Variants in KCNK10 observed in about 807,000 individuals in gnomAD.
KCNK10 encodes potassium two pore domain channel subfamily K member 10, also known as potassium channel subfamily K member 10.
KCNK10 carries 25 observed loss-of-function variants against 47.7 expected under a neutral mutation model. The observed-to-expected ratio is 0.52, with a 90% confidence interval of 0.38 to 0.73. The LOEUF is 0.73. Ranked by LOEUF, KCNK10 falls within the 30% of genes least tolerant of loss-of-function variation. KCNK10 has a pLI of 0.00. For synonymous variants in KCNK10, 303 were observed against 285.6 expected (o/e 1.06, Z -0.61); for missense variants, 563 against 714.5 (o/e 0.79, Z 2.42).
rs1277100479 is a variant in KCNK10 at position 88,184,228 on chromosome 14, T to C, written c.*1307A>G. 1 of 152,312 alleles carries C rather than the reference T, an allele frequency of 6.6e-6. No homozygotes were observed. The highest frequency in any genetic ancestry group is 1.9e-4 in the East Asian group (1 of 5,334). The allele number at this position is 152,312 out of a possible 1,614,324, so 9.4% of individuals were successfully genotyped here. A position where few individuals can be genotyped will look rare whatever the true frequency, so the allele number is the denominator to read the frequency against. On this transcript the variant is annotated 3_prime_UTR_variant, in exon 7 of 7. Coordinates refer to ENST00000319231, the MANE Select transcript of KCNK10 (RefSeq NM_138317.3). Reference sequence around the variant, plus strand: ...TAGCTTATCGTTTGCCTGGGAACAATCAGTCTAGGGTGTTCCAGTTTTAGT... The same window carrying C: ...TAGCTTATCGTTTGCCTGGGAACAACCAGTCTAGGGTGTTCCAGTTTTAGT...
chr14:88,324,508 T>TTTG (rs1888622606), upstream of KCNK10, among the ~76,000 whole-genome samples: 1 of 152,208 alleles, frequency 6.6e-6, no homozygotes, highest in Admixed American at 6.5e-5. Flanking sequence ...GTTACTAAAA[T>TTTG]TTGTTGTTCA....
intron 1 of KCNK10, among the ~76,000 whole-genome samples, chr14:88,274,916 T>C (rs1001726133): frequency 6.7e-6 from 1 of 149,500 alleles, no homozygotes; most frequent in African/African-American, 2.6e-5. Flanking sequence ...GTGAGGCCAC[T>C]TGGTGTAGCT....
At chr14:88,242,996 G>A (rs1886525481) in intron 2 of KCNK10, among the ~76,000 whole-genome samples, 1 of 152,132 alleles carries the variant, frequency 6.6e-6, no homozygotes, top group Non-Finnish European at 1.5e-5. Context: ...GCACACAAAT[G>A]TCATAAGCAA....
chr14:88,225,512 C>A lies in KCNK10; in HGVS notation c.681+1863G>T, dbSNP rs1885955337. ...TATACTCTATTTGTAGTCGGAAATT[C>A]ATTAGGGGAGACTAAGTCCCTAAAT... On this transcript the variant is annotated intron_variant, in intron 4 of 6. Transcript: ENST00000319231. Among the ~76,000 whole-genome samples the A allele has an allele frequency of 2.6e-5, 4 of 152,188 alleles. No individual in the cohort carries two copies. The South Asian group carries it at 6.2e-4, about 24-fold the overall frequency.
intron 1 of KCNK10, among the ~76,000 whole-genome samples, chr14:88,312,727 T>C (rs1041753349): frequency 6.6e-6 from 1 of 152,196 alleles, no homozygotes; most frequent in Non-Finnish European, 1.5e-5. Context: ...GTCTTTTTTT[T>C]AAATTAATGT....
At chr14:88,224,319 A>G (rs904771745) in intron 4 of KCNK10, among the ~76,000 whole-genome samples, 1 of 152,216 alleles carries the variant, frequency 6.6e-6, no homozygotes, top group African/African-American at 2.4e-5. Context: ...CTAAAGCTAT[A>G]TTCTCTGATC....
intron 1 of KCNK10, among the ~76,000 whole-genome samples, chr14:88,264,661 A>G (rs1162238683): frequency 6.6e-6 from 1 of 152,176 alleles, no homozygotes; most frequent in African/African-American, 2.4e-5. Flanking sequence ...CCTCGGAATC[A>G]GTTTCTGTCT....
In KCNK10 at chr14:88,278,354, T is replaced by G. The variant is rs1887573328; in HGVS notation, c.53-14803A>C. Among the ~76,000 whole-genome samples, 3 of 152,164 alleles carry G rather than the reference T, an allele frequency of 2.0e-5. No homozygotes were observed. In the South Asian group the frequency reaches 6.2e-4, roughly 32 times the overall value. On this transcript the variant is annotated intron_variant, in intron 1 of 6. Coordinates refer to ENST00000319231, the MANE Select transcript of KCNK10 (RefSeq NM_138317.3). ...AGAATCAAATCTATTACCAAAGCAG[T>G]CTCTATGTGATGGGTTAGTCACAAT... is the stretch of plus-strand genomic sequence containing the variant.
intron 4 of KCNK10, among the ~76,000 whole-genome samples, chr14:88,209,977 G>A (rs1365082948): frequency 8.5e-5 from 13 of 152,170 alleles, no homozygotes; most frequent in Admixed American, 8.5e-4. Flanking sequence ...GCAAGACAAG[G>A]CAGGTGCTTG....
chr14:88,240,770 G>A lies in KCNK10; in HGVS notation c.453C>T (p.Ser151=), dbSNP rs1300779608. 2 of 1,613,674 alleles carry A rather than the reference G, an allele frequency of 1.2e-6. No individual in the cohort carries two copies. The highest frequency in any genetic ancestry group is 1.7e-5 in the Admixed American group (1 of 59,986). The change falls in exon 3 of 7, where the codon TCC becomes TCT. Residue 151 remains serine (S), a synonymous_variant. Coordinates refer to ENST00000319231, the MANE Select transcript of KCNK10 (RefSeq NM_138317.3). Reference sequence around the variant, plus strand: ...CGAGGTCCCAGTGGCTGCTGTTGTTGGAAGAGTTTCCTATTGGACTGACTC... The same window carrying A: ...CGAGGTCCCAGTGGCTGCTGTTGTTAGAAGAGTTTCCTATTGGACTGACTC... ...NAGVSPIGNS[S]NNSSHWDLGS...
intron 1 of KCNK10, among the ~76,000 whole-genome samples, chr14:88,311,198 C>T (rs895337847): frequency 6.6e-6 from 1 of 152,162 alleles, no homozygotes; most frequent in East Asian, 1.9e-4. Context: ...CAGCACTATG[C>T]CTGTCACACA....
intron 5 of KCNK10, among the ~76,000 whole-genome samples, chr14:88,188,913 C>G (rs1334037397): frequency 6.6e-6 from 1 of 152,150 alleles, no homozygotes; most frequent in Non-Finnish European, 1.5e-5. Context: ...CTGGAGGCAG[C>G]CATGCAAAAC....
chr14:88,278,212 T>C (rs1245603784), intron 1 of KCNK10, among the ~76,000 whole-genome samples: 1 of 152,110 alleles, frequency 6.6e-6, no homozygotes, highest in Non-Finnish European at 1.5e-5. Flanking sequence ...GACCCTTACA[T>C]GGATCATATA....
chr14:88,301,361 C>G (rs984637563), intron 1 of KCNK10, among the ~76,000 whole-genome samples: 8 of 152,064 alleles, frequency 5.3e-5, no homozygotes, highest in African/African-American at 1.9e-4. Context: ...CTCTCTCCTC[C>G]CTTGACTTCA....
At chr14:88,315,523 T>C (rs1159916876) in intron 1 of KCNK10, among the ~76,000 whole-genome samples, 1 of 152,198 alleles carries the variant, frequency 6.6e-6, no homozygotes, top group East Asian at 1.9e-4. Flanking sequence ...TCATATCACA[T>C]TAAATTTAGT....
At chr14:88,318,055 G>T (rs531847530) in intron 1 of KCNK10, among the ~76,000 whole-genome samples, 99 of 152,274 alleles carry the variant, frequency 6.5e-4, no homozygotes, top group African/African-American at 2.4e-3. Context: ...TCTTACTTCG[G>T]GTCAAAGACG....
intron 1 of KCNK10, among the ~76,000 whole-genome samples, chr14:88,319,491 C>A (rs1888499662): frequency 6.6e-6 from 1 of 152,140 alleles, no homozygotes; most frequent in Non-Finnish European, 1.5e-5. Context: ...TAATCCAGAA[C>A]CTCCAAAACA....
At chr14:88,321,937 G>C (rs1888555192) in intron 1 of KCNK10, among the ~76,000 whole-genome samples, 2 of 152,172 alleles carry the variant, frequency 1.3e-5, no homozygotes, top group African/African-American at 4.8e-5. Flanking sequence ...TCACTCCCTT[G>C]GAGCCTTAAC....
In KCNK10 at chr14:88,295,815, T is replaced by C. The variant is rs147615252; in HGVS notation, c.52+26932A>G. 4.1e-3 allele frequency among the ~76,000 whole-genome samples: 618 copies of C among 152,318 alleles called. 6 individuals are homozygous for C. The highest frequency in any genetic ancestry group is 0.014 in the African/African-American group (601 of 41,558). On this transcript the variant is annotated intron_variant, in intron 1 of 6. Transcript: ENST00000319231. ...TTCATTAGCTCCCAACTATGGACTG[T>C]GAGCTCATCCATTCAGCAAGTTCCT...
Sources: allele counts gnomAD v4.1 joint callset (sites outside exome capture counted in the v4.1 genomes callset), GRCh38; gene constraint gnomAD v4.1.1; transcripts MANE v1.5; gene names NCBI Gene and HGNC (gene_info 2026-07-23, HGNC 2026-07-21).